NUP210: variants seen among roughly 807,000 people sequenced by gnomAD.
NUP210 encodes the protein nucleoporin 210.
Under a neutral mutation model 196.0 loss-of-function variants are expected in NUP210, and 151 were observed. That is an observed-to-expected ratio of 0.77 (90% CI 0.67 to 0.88). The LOEUF (loss-of-function observed/expected upper bound fraction) is 0.88, where lower values mean the gene tolerates loss of function less well. Among genes scored for constraint, NUP210 ranks in the 40% least tolerant of loss-of-function variants. The pLI is 0.00. For synonymous variants in NUP210, 1,070 were observed against 1,052.7 expected, an observed-to-expected ratio of 1.02 and a Z score of -0.32; for missense variants, 2,314 against 2,493.7, an observed-to-expected ratio of 0.93 and a Z score of 1.53.
At chr3:13,409,879 C>G (rs1700110616) in intron 1 of NUP210, among the ~76,000 whole-genome samples, 3 of 151,918 alleles carry the variant, frequency 2.0e-5, no homozygotes, top group Non-Finnish European at 2.9e-5. Context: ...TTCTGTCACC[C>G]AGGCTGGAGT....
In NUP210 at chr3:13,377,456, G is replaced by T; in HGVS notation, c.1152C>A (p.Asp384Glu). 1 of 1,608,526 alleles carries T rather than the reference G, an allele frequency of 6.2e-7. No homozygotes were observed. The highest frequency in any genetic ancestry group is 8.5e-7 in the Non-Finnish European group (1 of 1,175,232). Residue 384 changes from aspartate to glutamate, a missense_variant and splice_region_variant, in exon 9 of 40, where the codon GAC becomes GAA. Coordinates refer to ENST00000254508, the MANE Select transcript of NUP210 (RefSeq NM_024923.4). ...DKFSNKVYVS[D>E]NIRIETVLPA... ...AGCCAGGACCTGAACAGGCACTCAC[G>T]TCAGATACATAGACCTTGTTGCTGA... is the stretch of plus-strand genomic sequence containing the variant.
intron 28 of NUP210, 45 bp downstream of exon 28, chr3:13,335,409 C>G (rs746191094): frequency 1.5e-5 from 24 of 1,578,242 alleles, no homozygotes; most frequent in Non-Finnish European, 2.0e-5. Context: ...GGGCAGCTGG[C>G]ACTTCCTCTC....
chr3:13,393,996 T>G (rs1361167077), intron 3 of NUP210, among the ~76,000 whole-genome samples: 1 of 152,188 alleles, frequency 6.6e-6, no homozygotes, highest in Non-Finnish European at 1.5e-5. Flanking sequence ...AAGAATGAAC[T>G]GATTTCAGTT....
At chr3:13,418,105 G>A (rs865928620) in intron 1 of NUP210, among the ~76,000 whole-genome samples, 9 of 152,198 alleles carry the variant, frequency 5.9e-5, no homozygotes, top group East Asian at 3.8e-4. Context: ...ATGTATCCCC[G>A]CCACAGTATT....
Position 13,325,784 on chromosome 3 carries a change from T to G in NUP210, c.4644+11A>C. ...CTGAGCCACATGTGCCTCCGGCTGC[T>G]TAGAGCCCACCTCCTTGTAGGTCCT... On this transcript the variant is annotated intron_variant, in intron 33 of 39. Transcript: ENST00000254508. 6.2e-7 allele frequency: 1 copy of G among 1,613,412 alleles called. No individual in the cohort carries two copies. Among genetic ancestry groups the G allele is most frequent in the South Asian group, 1.1e-5 (1 of 91,074 alleles).
intron 5 of NUP210, 23 bp from the exon 6 acceptor site, chr3:13,386,430 C>A (rs556688861): frequency 1.2e-6 from 2 of 1,613,390 alleles, no homozygotes; most frequent in Non-Finnish European, 1.7e-6. Flanking sequence ...AAAAGGCAGA[C>A]AAAGTGAGGT....
Position 13,339,934 on chromosome 3 carries a change from G to A in NUP210, c.3391C>T (p.Leu1131Phe), listed in dbSNP as rs758652763. ...GACACAGTGCCGTTCCCGATGGCGA[G>A]GCCCTGTACCAGCCCAGCAGCGCTC... is the stretch of plus-strand genomic sequence containing the variant. Reference protein sequence around the residue: ...LVSAAGLVQGLAIGNGTVSGL... With the variant: ...LVSAAGLVQGFAIGNGTVSGL... Residue 1131 changes from leucine to phenylalanine, a missense_variant, in exon 25 of 40, where the codon CTC becomes TTC. Physicochemically the swap from Leu to Phe is conservative, Grantham distance 22. Transcript: ENST00000254508. The A allele has an allele frequency of 1.2e-6, 2 of 1,614,034 alleles. No individual in the cohort carries two copies. Among genetic ancestry groups the A allele is most frequent in the Admixed American group, 1.7e-5 (1 of 60,034 alleles).
chr3:13,365,946 C>G lies in NUP210; in HGVS notation c.1932G>C (p.Lys644Asn). 6.2e-7 allele frequency: 1 copy of G among 1,614,038 alleles called. No homozygotes were observed. Among genetic ancestry groups the G allele is most frequent in the Non-Finnish European group, 8.5e-7 (1 of 1,179,896 alleles). The change falls in exon 14 of 40, where the codon AAG becomes AAC. Residue 644 changes from lysine to asparagine, a missense_variant and splice_region_variant. Coordinates refer to ENST00000254508, the MANE Select transcript of NUP210 (RefSeq NM_024923.4). ...KITIAAYLPL[K>N]AVDPSSVALV... is the part of the protein sequence containing the mutation. Reference sequence around the variant, plus strand: ...GTAAAGGGCAGGGCCCCTGGCTCACCTTGAGGGGCAGGTAGGCAGCAATGG... The same window carrying G: ...GTAAAGGGCAGGGCCCCTGGCTCACGTTGAGGGGCAGGTAGGCAGCAATGG...
intron 31 of NUP210, 23 bp downstream of exon 31, chr3:13,328,748 A>C: frequency 6.2e-7 from 1 of 1,610,482 alleles, no homozygotes; most frequent in Non-Finnish European, 8.5e-7. Context: ...TCATAGGAGA[A>C]ATGACCCTTG....
chr3:13,384,078 T>G (rs1699191184), intron 6 of NUP210, among the ~76,000 whole-genome samples: 1 of 152,246 alleles, frequency 6.6e-6, no homozygotes, highest in African/African-American at 2.4e-5. Flanking sequence ...TTCTCCTGTC[T>G]CAGCCTCTTG....
At chr3:13,386,239 G>A (rs1576407444) in intron 6 of NUP210, 36 bp downstream of exon 6, 1 of 1,581,560 alleles carries the variant, frequency 6.3e-7, no homozygotes, top group African/African-American at 1.4e-5. Flanking sequence ...AAGGAGGAAG[G>A]AAGCATCTGT....
intron 25 of NUP210, among the ~76,000 whole-genome samples, chr3:13,339,574 G>A (rs1235079724): frequency 6.6e-6 from 1 of 152,256 alleles, no homozygotes; most frequent in African/African-American, 2.4e-5. Flanking sequence ...ATCCTCCACT[G>A]GAAGGGCCCT....
At position 13,317,072 on chromosome 3, in the gene NUP210, C is replaced by A. The variant is rs534990515; in HGVS notation, c.*609G>T. 1.1e-3 allele frequency: 172 copies of A among 153,886 alleles called. No homozygotes were observed. Among genetic ancestry groups the A allele is most frequent in the Admixed American group, 3.2e-3 (50 of 15,596 alleles). 9.5% of individuals were successfully genotyped at this position (153,886 alleles called of 1,614,324 possible). A position where few individuals can be genotyped will look rare whatever the true frequency, so the allele number is the denominator to read the frequency against. On this transcript the variant is annotated 3_prime_UTR_variant, in exon 40 of 40. Coordinates refer to ENST00000254508, the MANE Select transcript of NUP210 (RefSeq NM_024923.4). Reference sequence around the variant, plus strand: ...CTGGGTGAGCTCCTGTGTTCTCCAGCCTCTCGCTCACCCAGGGCTTGGCTA... The same window carrying A: ...CTGGGTGAGCTCCTGTGTTCTCCAGACTCTCGCTCACCCAGGGCTTGGCTA...
At chr3:13,383,334 G>C (rs1699163452) in intron 6 of NUP210, among the ~76,000 whole-genome samples, 1 of 152,078 alleles carries the variant, frequency 6.6e-6, no homozygotes, top group Non-Finnish European at 1.5e-5. Flanking sequence ...CACATCTCAT[G>C]ACATGATGAA....
At chr3:13,354,341 T>C in intron 16 of NUP210, 5 of 547,970 alleles carry the variant, frequency 9.1e-6, no homozygotes, top group Non-Finnish European at 1.3e-5. Context: ...TGAGAACCAC[T>C]AGGGGGCCTT....
chr3:13,360,268 A>G lies in NUP210; in HGVS notation c.2154+2T>C. ...GAGGGTCTGGAGCAGCTGCCCACTC[A>G]CCTGCTCACCCAAGGCCTGACAGGT... On this transcript the variant is annotated splice_donor_variant, in intron 15 of 39. Coordinates refer to ENST00000254508, the MANE Select transcript of NUP210 (RefSeq NM_024923.4). LOFTEE classifies it high-confidence loss of function. 1 of 1,613,556 alleles carries G rather than the reference A, an allele frequency of 6.2e-7. No homozygotes were observed. The highest frequency in any genetic ancestry group is 1.1e-5 in the South Asian group (1 of 91,060).
intron 32 of NUP210, among the ~76,000 whole-genome samples, chr3:13,326,954 A>G (rs74858247): frequency 0.035 from 5,298 of 152,370 alleles, 152 homozygotes; most frequent in Middle Eastern, 0.054. Flanking sequence ...TGACCACACA[A>G]TCTGGCAGTG....
intron 16 of NUP210, among the ~76,000 whole-genome samples, chr3:13,355,179 G>T (rs1351550909): frequency 6.6e-6 from 1 of 152,216 alleles, no homozygotes; most frequent in African/African-American, 2.4e-5. Flanking sequence ...ATTCGGGTAG[G>T]AAAGTGGGCA....
At chr3:13,351,347 T>C (rs1697963721) in intron 20 of NUP210, among the ~76,000 whole-genome samples, 1 of 152,204 alleles carries the variant, frequency 6.6e-6, no homozygotes, top group South Asian at 2.1e-4. Flanking sequence ...AAAGGATTGA[T>C]TGAAAGGAAA....
Sources: allele counts gnomAD v4.1 joint callset (sites outside exome capture counted in the v4.1 genomes callset), GRCh38; gene constraint gnomAD v4.1.1; transcripts MANE v1.5; gene names NCBI Gene and HGNC (gene_info 2026-07-23, HGNC 2026-07-21).